Variants in CNTNAP5 observed in about 807,000 individuals in gnomAD.
The protein encoded by CNTNAP5 is contactin associated protein family member 5.
CNTNAP5 carries 72 observed loss-of-function variants against 150.2 expected under a neutral mutation model. The observed-to-expected ratio is 0.48, with a 90% CI of 0.40 to 0.58. The LOEUF is 0.58. Ranked by LOEUF, CNTNAP5 falls within the 20% of genes least tolerant of loss-of-function variation. CNTNAP5 has a pLI of 0.00. For synonymous variants in CNTNAP5, 672 were observed against 619.8 expected (o/e 1.08, Z -1.25); for missense variants, 1,636 against 1,626.2 (o/e 1.01, Z -0.10).
intron 1 of CNTNAP5, among the ~76,000 whole-genome samples, chr2:124,077,668 C>T (rs1486613160): frequency 6.6e-6 from 1 of 152,156 alleles, no homozygotes; most frequent in Non-Finnish European, 1.5e-5. Flanking sequence ...CTCTCAATGC[C>T]ATCATGCCTG....
chr2:124,747,785 C>CTTT (rs1428976462), intron 14 of CNTNAP5, among the ~76,000 whole-genome samples: 2 of 107,932 alleles, frequency 1.9e-5, no homozygotes, highest in Non-Finnish European at 1.8e-5. Flanking sequence ...ACTCCTAACT[C>CTTT]TTCTTTTTTT....
chr2:124,597,600 G>A (rs1306735591), intron 11 of CNTNAP5, among the ~76,000 whole-genome samples: 1 of 150,638 alleles, frequency 6.6e-6, no homozygotes, highest in African/African-American at 2.4e-5. Context: ...TTCAACTTTG[G>A]TGAATCTGAC....
intron 3 of CNTNAP5, among the ~76,000 whole-genome samples, chr2:124,367,935 C>A (rs1573946910): frequency 6.6e-6 from 1 of 152,208 alleles, no homozygotes; most frequent in East Asian, 1.9e-4. Context: ...CAGATATTTA[C>A]TTCCCATCAA....
At chr2:124,832,478 T>C (rs550911998) in intron 19 of CNTNAP5, among the ~76,000 whole-genome samples, 2 of 152,296 alleles carry the variant, frequency 1.3e-5, no homozygotes, top group East Asian at 3.9e-4. Flanking sequence ...CAATTAGACC[T>C]AAATTATTTC....
chr2:124,148,843 T>C (rs892981412), intron 1 of CNTNAP5, among the ~76,000 whole-genome samples: 1 of 149,398 alleles, frequency 6.7e-6, no homozygotes, highest in Admixed American at 6.7e-5. Context: ...ACACAGACAC[T>C]ATGCATCTAT....
Position 124,914,356 on chromosome 2 carries a change from G to T in CNTNAP5, c.*68G>T, listed in dbSNP as rs540494139. On this transcript the variant is annotated 3_prime_UTR_variant, in exon 24 of 24. Transcript: ENST00000682447. Reference sequence around the variant, plus strand: ...TTATCTCCTCCCCCTCTTCTCTCCTGTCTTTTGATTTGGTCATTCTCTTTA... The same window carrying T: ...TTATCTCCTCCCCCTCTTCTCTCCTTTCTTTTGATTTGGTCATTCTCTTTA... 1 of 1,163,338 alleles carries T rather than the reference G, an allele frequency of 8.6e-7. No individual in the cohort carries two copies. The highest frequency in any genetic ancestry group is 1.5e-5 in the South Asian group (1 of 68,964). 72.1% of individuals were successfully genotyped at this position (1,163,338 alleles called of 1,614,324 possible).
At chr2:124,452,089 C>T (rs2968545) in intron 6 of CNTNAP5, among the ~76,000 whole-genome samples, 15 of 152,030 alleles carry the variant, frequency 9.9e-5, no homozygotes, top group African/African-American at 3.4e-4. Flanking sequence ...ATCCACAGGT[C>T]GGGGAAGCAG....
intron 1 of CNTNAP5, among the ~76,000 whole-genome samples, chr2:124,026,886 C>G (rs969030141): frequency 6.6e-6 from 1 of 152,220 alleles, no homozygotes; most frequent in African/African-American, 2.4e-5. Context: ...CTAGAGGACC[C>G]TGTGCATTTA....
At chr2:124,561,983 G>T (rs1025455712) in intron 10 of CNTNAP5, among the ~76,000 whole-genome samples, 1 of 151,974 alleles carries the variant, frequency 6.6e-6, no homozygotes, top group African/African-American at 2.4e-5. Context: ...AAAAATTATG[G>T]TATGTATCAT....
chr2:124,263,152 T>C (rs1393303356), intron 3 of CNTNAP5, among the ~76,000 whole-genome samples: 1 of 152,202 alleles, frequency 6.6e-6, no homozygotes, highest in Non-Finnish European at 1.5e-5. Context: ...TATAATCCTT[T>C]GGGTATATAC....
chr2:124,539,607 G>T (rs564405269), intron 10 of CNTNAP5, among the ~76,000 whole-genome samples: 1 of 152,210 alleles, frequency 6.6e-6, no homozygotes, highest in South Asian at 2.1e-4. Context: ...TAACTGCAAG[G>T]TGTTAAACAA....
At chr2:124,536,911 G>C (rs140067400) in intron 10 of CNTNAP5, among the ~76,000 whole-genome samples, 1 of 152,176 alleles carries the variant, frequency 6.6e-6, no homozygotes, top group African/African-American at 2.4e-5. Flanking sequence ...AATCAGAACC[G>C]GAGTAAACTT....
At chr2:124,773,597 G>A (rs1051177704) in intron 17 of CNTNAP5, among the ~76,000 whole-genome samples, 1 of 152,274 alleles carries the variant, frequency 6.6e-6, no homozygotes, top group South Asian at 2.1e-4. Context: ...ACTGCTGCTG[G>A]TGGGGGCCTG....
intron 1 of CNTNAP5, among the ~76,000 whole-genome samples, chr2:124,145,397 A>G (rs1333055179): frequency 4.5e-5 from 1 of 22,376 alleles, no homozygotes. Context: ...ACCAACCCAA[A>G]TGTCCAACAA....
chr2:124,437,750 G>A (rs920854716), intron 5 of CNTNAP5, among the ~76,000 whole-genome samples: 1 of 152,182 alleles, frequency 6.6e-6, no homozygotes, highest in African/African-American at 2.4e-5. Context: ...TTAAAAAAAT[G>A]AATCAGAAAA....
chr2:124,426,673 T>G (rs1396170870), intron 4 of CNTNAP5, among the ~76,000 whole-genome samples: 5 of 152,196 alleles, frequency 3.3e-5, no homozygotes. Context: ...GCTGGCCCAC[T>G]TGGGGATTCA....
At chr2:124,406,365 C>T (rs1691570222) in intron 3 of CNTNAP5, among the ~76,000 whole-genome samples, 1 of 152,174 alleles carries the variant, frequency 6.6e-6, no homozygotes, top group Admixed American at 6.5e-5. Context: ...CATATCCTTT[C>T]TGATTTTTTG....
chr2:124,897,837 TATA>T (rs1413710962), intron 21 of CNTNAP5, among the ~76,000 whole-genome samples: 3 of 151,482 alleles, frequency 2.0e-5, no homozygotes, highest in African/African-American at 7.3e-5. Flanking sequence ...GGAAGTTGTG[TATA>T]ATTGTCTCAC....
intron 7 of CNTNAP5, among the ~76,000 whole-genome samples, chr2:124,486,223 G>T (rs1693877590): frequency 6.6e-6 from 1 of 152,186 alleles, no homozygotes; most frequent in African/African-American, 2.4e-5. Context: ...AACATCAGAA[G>T]TTCTCACTTA....
Sources: allele counts gnomAD v4.1 joint callset (sites outside exome capture counted in the v4.1 genomes callset), GRCh38; gene constraint gnomAD v4.1.1; transcripts MANE v1.5; gene names NCBI Gene and HGNC (gene_info 2026-07-23, HGNC 2026-07-21).